The following POLR3A variants were observed in gnomAD, a reference collection of about 807,000 sequenced individuals.
The protein encoded by POLR3A is RNA polymerase III subunit A.
In POLR3A, 112 loss-of-function variants were observed where a neutral mutation model predicts 152.8. The ratio of observed to expected loss-of-function variants is 0.73; its 90% CI spans 0.63 to 0.86. POLR3A has a LOEUF of 0.86. Among genes scored for constraint, POLR3A ranks in the 40% least tolerant of loss-of-function variants. The probability of loss-of-function intolerance (pLI) is 0.00; values close to 1 mark genes in which losing one functional copy is unlikely to be tolerated. For synonymous variants in POLR3A, 615 were observed against 652.1 expected (o/e 0.94, Z 0.87); for missense variants, 1,385 against 1,743.1 (o/e 0.79, Z 3.66).
chr10:77,989,783 C>A (rs1307895278), intron 21 of POLR3A, among the ~76,000 whole-genome samples: 1 of 151,852 alleles, frequency 6.6e-6, no homozygotes, highest in African/African-American at 2.4e-5. Context: ...TCTTTGAGGA[C>A]AAACAGATAA....
At chr10:78,016,208 G>T (rs902817140) in intron 10 of POLR3A, among the ~76,000 whole-genome samples, 1 of 152,096 alleles carries the variant, frequency 6.6e-6, no homozygotes, top group African/African-American at 2.4e-5. Flanking sequence ...TTAGTTGGAG[G>T]ATTACTGCAA....
chr10:78,008,334 T>A (rs1847430838), intron 14 of POLR3A, among the ~76,000 whole-genome samples: 1 of 151,960 alleles, frequency 6.6e-6, no homozygotes, highest in Non-Finnish European at 1.5e-5. Context: ...AACAAAACAG[T>A]CTAAAACAAG....
intron 21 of POLR3A, among the ~76,000 whole-genome samples, chr10:77,989,929 T>C (rs931392760): frequency 6.6e-6 from 1 of 152,188 alleles, no homozygotes; most frequent in Non-Finnish European, 1.5e-5. Flanking sequence ...TTTTAAAATC[T>C]GGAAGAGTCT....
At chr10:78,017,773 TC>T in intron 9 of POLR3A, 57 bp from the exon 10 acceptor site, 1 of 1,565,326 alleles carries the variant, frequency 6.4e-7, no homozygotes, top group Non-Finnish European at 8.8e-7. Flanking sequence ...ACCAAGTTTC[TC>T]CCTCTTCAGA....
chr10:78,009,233 G>T (rs1847441130), intron 14 of POLR3A, among the ~76,000 whole-genome samples: 2 of 134,818 alleles, frequency 1.5e-5, no homozygotes, highest in African/African-American at 2.8e-5. Flanking sequence ...CCGCCAAAAA[G>T]ATGACAAAAT....
chr10:77,985,499 C>T (rs1206846071), intron 23 of POLR3A, among the ~76,000 whole-genome samples, 159 bp from the exon 24 acceptor site: 1 of 152,132 alleles, frequency 6.6e-6, no homozygotes, highest in Non-Finnish European at 1.5e-5. Context: ...CTGGCATAGA[C>T]CAGAAATAGG....
intron 10 of POLR3A, 100 bp from the exon 11 acceptor site, chr10:78,013,890 G>A: frequency 7.5e-7 from 1 of 1,341,116 alleles, no homozygotes; most frequent in Non-Finnish European, 1.1e-6. Flanking sequence ...TGGAATACTG[G>A]GCACTGGCTT....
In POLR3A at chr10:78,002,119, G is replaced by A. The variant is rs1195713453; in HGVS notation, c.2359+78C>T. 4 of 767,598 alleles carry A rather than the reference G, an allele frequency of 5.2e-6. No individual in the cohort carries two copies. In the African/African-American group the frequency reaches 7.0e-5, roughly 13 times the overall value. The allele number at this position is 767,598 out of a possible 1,614,324, so 47.5% of individuals were successfully genotyped here. Reference sequence around the variant, plus strand: ...ATAAATGAAATGTCTGTTTGGAGCTGTGACTATCACATTTTCTGGAGCCAA... The same window carrying A: ...ATAAATGAAATGTCTGTTTGGAGCTATGACTATCACATTTTCTGGAGCCAA... On this transcript the variant is annotated intron_variant, in intron 17 of 30. Transcript: ENST00000372371.
chr10:78,026,454 A>C (rs568687198), intron 1 of POLR3A, among the ~76,000 whole-genome samples: 2 of 152,296 alleles, frequency 1.3e-5, no homozygotes, highest in South Asian at 4.1e-4. Flanking sequence ...AGTGCTCACC[A>C]AGGCCACCTA....
At chr10:78,006,866 C>T (rs1019465211) in intron 15 of POLR3A, among the ~76,000 whole-genome samples, 1 of 152,114 alleles carries the variant, frequency 6.6e-6, no homozygotes, top group African/African-American at 2.4e-5. Flanking sequence ...TGCCTGTAAT[C>T]CTAGCACTTT....
chr10:78,012,491 A>C (rs980560724), intron 11 of POLR3A, among the ~76,000 whole-genome samples: 5 of 152,200 alleles, frequency 3.3e-5, no homozygotes, highest in African/African-American at 9.6e-5. Flanking sequence ...AAAGCATCAC[A>C]TCAGAAATGG....
rs375503262 is a variant in POLR3A at position 78,007,675 on chromosome 10, C to G, written c.2074+27G>C. ...AAGACTCTAACAATTGCAGCTTTAA[C>G]TAAAAGAAGGATGCTGAGATACTTA... On this transcript the variant is annotated intron_variant, in intron 15 of 30. Transcript: ENST00000372371. 7.5e-6 allele frequency: 12 copies of G among 1,607,544 alleles called. No homozygotes were observed. The African/African-American group carries it at 1.2e-4, about 16-fold the overall frequency.
intron 12 of POLR3A, 124 bp downstream of exon 12, chr10:78,010,347 A>ACT: frequency 3.5e-6 from 3 of 867,744 alleles, no homozygotes; most frequent in Non-Finnish European, 5.9e-6. Flanking sequence ...AAACTTAGTA[A>ACT]ACAAAAAACC....
chr10:78,006,395 CAAAAAAAAA>C (rs36050560), intron 15 of POLR3A, among the ~76,000 whole-genome samples: 3 of 21,936 alleles, frequency 1.4e-4, no homozygotes, highest in Admixed American at 4.8e-4. Flanking sequence ...GACTCTGTCT[CAAAAAAAAA>C]AAAAAAAAAA....
At chr10:78,013,273 A>G in intron 11 of POLR3A, 1 of 287,564 alleles carries the variant, frequency 3.5e-6, no homozygotes, top group Non-Finnish European at 6.8e-6. Context: ...CTACTGGAAA[A>G]TTTACTTAGG....
At chr10:77,991,498 A>G (rs1271527509) in intron 20 of POLR3A, among the ~76,000 whole-genome samples, 1 of 152,172 alleles carries the variant, frequency 6.6e-6, no homozygotes, top group Non-Finnish European at 1.5e-5. Flanking sequence ...CAAGAGTGAA[A>G]ATATTCTCCC....
rs752700897 is a variant in POLR3A, at chr10:78,024,499, A to AGAGGCAGGCGG, written c.645+39_645+49dup. 7.9e-5 allele frequency: 127 copies of AGAGGCAGGCGG among 1,601,106 alleles called. No homozygotes were observed. In the Middle Eastern group the frequency reaches 1.1e-3, roughly 14 times the overall value. On this transcript the variant is annotated intron_variant, in intron 5 of 30. Coordinates refer to ENST00000372371, the MANE Select transcript of POLR3A (RefSeq NM_007055.4). The stretch of plus-strand genomic sequence containing the variant: ...AGAGAGTGTGCATGTGACGTGCGGA[A>AGAGGCAGGCGG]GAGGCAGGCGGGAGGCAGGCGGAAG...
chr10:78,002,365 A>T, intron 16 of POLR3A, 57 bp from the exon 17 acceptor site: 2 of 1,087,432 alleles, frequency 1.8e-6, no homozygotes, highest in Non-Finnish European at 2.8e-6. Context: ...TGTGGATTAC[A>T]AATGTTCAAT....
chr10:77,985,933 A>C lies in POLR3A; in HGVS notation c.3041T>G (p.Phe1014Cys). The C allele has an allele frequency of 6.2e-7, 1 of 1,614,108 alleles. No homozygotes were observed. The change falls in exon 23 of 31, where the codon TTT becomes TGT. Residue 1014 changes from phenylalanine to cysteine, a missense_variant. Around this residue, in one of 7 missense-constraint regions of POLR3A, gnomAD observed 178 missense variants for 204.6 expected, o/e 0.87. Transcript: ENST00000372371. ...DRITPTQVEK[F>C]LETCRDKYMR... The stretch of plus-strand genomic sequence containing the variant: ...GTACTTGTCCCTACAGGTCTCCAGA[A>C]ACTTTTCTACTTGGGTGGGGGTGAT...
Sources: allele counts gnomAD v4.1 joint callset (sites outside exome capture counted in the v4.1 genomes callset), GRCh38; gene constraint gnomAD v4.1.1; regional missense constraint gnomAD v4.1.1; transcripts MANE v1.5; gene names NCBI Gene and HGNC (gene_info 2026-07-23, HGNC 2026-07-21).